CLVS1: variants seen among roughly 807,000 people sequenced by gnomAD.
The protein encoded by CLVS1 is clavesin 1, also known as clavesin-1.
Under a neutral mutation model 33.1 loss-of-function variants are expected in CLVS1, and 10 were observed. The ratio of observed to expected loss-of-function variants is 0.30; its 90% CI spans 0.19 to 0.51. The LOEUF is 0.51. CLVS1 is among the 20% of genes least tolerant of loss of function. CLVS1 has a pLI of 0.97. For missense variants in CLVS1, 343 were observed against 433.4 expected (o/e 0.79, Z 1.85); for synonymous variants, 163 against 166.1 (o/e 0.98, Z 0.14).
intron 2 of CLVS1, among the ~76,000 whole-genome samples, chr8:61,335,130 C>G (rs191887912): frequency 1.8e-4 from 27 of 152,278 alleles, no homozygotes; most frequent in African/African-American, 4.6e-4. Context: ...GCTGATCCAT[C>G]AAGTGCAGAG....
At chr8:61,290,530 A>G (rs1809948378) in intron 1 of CLVS1, among the ~76,000 whole-genome samples, 1 of 152,208 alleles carries the variant, frequency 6.6e-6, no homozygotes, top group Non-Finnish European at 1.5e-5. Context: ...AAGGTCTTTC[A>G]TTTCCCAAAA....
At chr8:61,339,163 A>C (rs1466620657) in intron 2 of CLVS1, among the ~76,000 whole-genome samples, 1 of 152,028 alleles carries the variant, frequency 6.6e-6, no homozygotes, top group Non-Finnish European at 1.5e-5. Flanking sequence ...ATGAGCTGCT[A>C]TTGTGGGGGT....
chr8:61,283,999 A>C (rs953168281), upstream of CLVS1, among the ~76,000 whole-genome samples: 1 of 152,218 alleles, frequency 6.6e-6, no homozygotes, highest in Admixed American at 6.5e-5. Context: ...AGTGTTTTTA[A>C]AAGTAGTATA....
At chr8:61,316,812 C>G (rs1811025595) in intron 2 of CLVS1, among the ~76,000 whole-genome samples, 1 of 152,108 alleles carries the variant, frequency 6.6e-6, no homozygotes, top group Admixed American at 6.5e-5. Flanking sequence ...TGAGTCAGGG[C>G]TCCATCACTT....
chr8:61,482,806 T>A (rs1375647699), intron 5 of CLVS1, among the ~76,000 whole-genome samples: 4 of 152,180 alleles, frequency 2.6e-5, no homozygotes, highest in African/African-American at 9.7e-5. Flanking sequence ...GCCACTCAAT[T>A]ACATGGAAAC....
chr8:60,996,211 A>G, the CLVS1 span, among the ~76,000 whole-genome samples: 1 of 152,230 alleles, frequency 6.6e-6, no homozygotes, highest in African/African-American at 2.4e-5. Context: ...GGAAAAATCT[A>G]TTTGGTAAAT....
rs1251517492 is a variant in CLVS1, at chr8:61,288,270, C to T, written c.-152+132C>T. The T allele has an allele frequency of 2.2e-5, 10 of 456,558 alleles. No homozygotes were observed. In the East Asian group the frequency reaches 4.9e-4, roughly 22 times the overall value. The allele number at this position is 456,558 out of a possible 1,614,324, so 28.3% of individuals were successfully genotyped here. A position where few individuals can be genotyped will look rare whatever the true frequency, so the allele number is the denominator to read the frequency against. On this transcript the variant is annotated intron_variant, in intron 1 of 5. Coordinates refer to ENST00000325897, the MANE Select transcript of CLVS1 (RefSeq NM_173519.3). ...AGCTCCCATCTGCAATCCCTCTGCA[C>T]TCCATCCCTCCCGCACCGCACCCCG...
At chr8:61,061,894 TG>T in intron 1 of CLVS1, among the ~76,000 whole-genome samples, 1 of 152,262 alleles carries the variant, frequency 6.6e-6, no homozygotes, top group South Asian at 2.1e-4. Flanking sequence ...CCGTAGCACC[TG>T]GGCATTTTTA....
At chr8:61,265,386 A>C (rs1256250107) in intron 2 of CLVS1, among the ~76,000 whole-genome samples, 1 of 152,150 alleles carries the variant, frequency 6.6e-6, no homozygotes, top group Non-Finnish European at 1.5e-5. Context: ...TCTTTACTTC[A>C]GTTTCCTTAA....
At chr8:61,402,448 T>C (rs1340869823) in intron 3 of CLVS1, among the ~76,000 whole-genome samples, 1 of 152,154 alleles carries the variant, frequency 6.6e-6, no homozygotes, top group African/African-American at 2.4e-5. Flanking sequence ...GCAGGACATA[T>C]GTTAAGTAAT....
At chr8:61,313,848 A>C (rs1810922959) in intron 2 of CLVS1, among the ~76,000 whole-genome samples, 1 of 152,106 alleles carries the variant, frequency 6.6e-6, no homozygotes, top group Non-Finnish European at 1.5e-5. Flanking sequence ...GCCCTTGCCT[A>C]CTGATCCACA....
intron 2 of CLVS1, among the ~76,000 whole-genome samples, chr8:61,359,418 C>T (rs1373744655): frequency 2.6e-5 from 4 of 151,780 alleles, no homozygotes; most frequent in East Asian, 1.9e-4. Flanking sequence ...TGCAATGGTG[C>T]GACCTTGGCT....
chr8:61,179,405 AC>A (rs1377022734), intron 2 of CLVS1, among the ~76,000 whole-genome samples: 1 of 152,132 alleles, frequency 6.6e-6, no homozygotes, highest in East Asian at 1.9e-4. Context: ...AGACTTTAAC[AC>A]CCCACTGTCA....
intron 1 of CLVS1, among the ~76,000 whole-genome samples, chr8:61,059,396 T>G (rs1351313297): frequency 6.7e-6 from 1 of 148,792 alleles, no homozygotes; most frequent in African/African-American, 2.5e-5. Flanking sequence ...TATTCCTGAG[T>G]GTTGAGTGTT....
At chr8:61,487,960 G>T (rs1188305023) in intron 5 of CLVS1, among the ~76,000 whole-genome samples, 2 of 152,180 alleles carry the variant, frequency 1.3e-5, no homozygotes, top group African/African-American at 4.8e-5. Flanking sequence ...ACTGCACTGA[G>T]CATGTGCACC....
chr8:61,006,259 C>A, the CLVS1 span, among the ~76,000 whole-genome samples: 1 of 152,306 alleles, frequency 6.6e-6, no homozygotes, highest in South Asian at 2.1e-4. Flanking sequence ...TATTGCTGAT[C>A]TTCTGGATTT....
intron 3 of CLVS1, among the ~76,000 whole-genome samples, chr8:61,447,822 T>C (rs954867058): frequency 6.6e-6 from 1 of 152,150 alleles, no homozygotes; most frequent in Admixed American, 6.5e-5. Flanking sequence ...GTTTTCTTAC[T>C]GTATTCTTCC....
chr8:61,151,275 G>C (rs1046172669), intron 2 of CLVS1, among the ~76,000 whole-genome samples: 1 of 152,138 alleles, frequency 6.6e-6, no homozygotes, highest in African/African-American at 2.4e-5. Flanking sequence ...AAATGGAAAA[G>C]GGTCCAAATG....
chr8:61,240,267 G>C lies in CLVS1; in HGVS notation c.-151-59410G>C, dbSNP rs189581471. 3.1e-4 allele frequency among the ~76,000 whole-genome samples: 47 copies of C among 152,134 alleles called. No individual in the cohort carries two copies. The South Asian group carries it at 9.5e-3, about 31-fold the overall frequency. ...CCTGGTCTTTTCTTCTCTCACCTCC[G>C]TTCTCCCCCGTGCTCTCTGTGCTCA... On this transcript the variant is annotated intron_variant, in intron 2 of 2. Transcript: ENST00000522621.
Sources: gnomAD v4.1 joint callset for allele counts (sites outside exome capture counted in the v4.1 genomes callset) on GRCh38, gnomAD v4.1.1 for gene constraint, MANE v1.5 for transcripts, NCBI Gene and HGNC (gene_info 2026-07-23, HGNC 2026-07-21) for gene names.